SDK1: variants seen among roughly 807,000 people sequenced by gnomAD.
The protein encoded by SDK1 is protein sidekick-1.
Under a neutral mutation model 245.5 loss-of-function variants are expected in SDK1, and 157 were observed. The observed-to-expected ratio is 0.64, with a 90% CI of 0.56 to 0.73. The LOEUF (loss-of-function observed/expected upper bound fraction) is 0.73, where lower values mean the gene tolerates loss of function less well. Ranked by LOEUF, SDK1 falls within the 30% of genes least tolerant of loss-of-function variation. SDK1 has a pLI of 0.00. For missense variants in SDK1, 3,583 were observed against 3,002.3 expected, an observed-to-expected ratio of 1.19 and a Z score of -4.52; for synonymous variants, 1,647 against 1,278.5, an observed-to-expected ratio of 1.29 and a Z score of -6.15.
chr7:3,490,286 A>G lies in SDK1; in HGVS notation c.299-128794A>G, dbSNP rs551929326. Among the ~76,000 whole-genome samples, 18 of 152,348 alleles carry G rather than the reference A, an allele frequency of 1.2e-4. No individual in the cohort carries two copies. In the South Asian group the frequency reaches 2.9e-3, roughly 25 times the overall value. On this transcript the variant is annotated intron_variant, in intron 1 of 44. Transcript: ENST00000404826. ...ATATTTTAAGTTAATAGTCCTTATC[A>G]CTGATACCAATTAGCCGAAGAGAAA... is the stretch of plus-strand genomic sequence containing the variant.
intron 4 of SDK1, among the ~76,000 whole-genome samples, chr7:3,685,212 G>GA (rs113385893): frequency 1.3e-5 from 2 of 148,456 alleles, no homozygotes; most frequent in Non-Finnish European, 1.5e-5. Context: ...TGAACATTAA[G>GA]TTAAAAAAAA....
At chr7:3,815,586 G>A (rs1191662611) in intron 4 of SDK1, among the ~76,000 whole-genome samples, 1 of 147,666 alleles carries the variant, frequency 6.8e-6, no homozygotes, top group Non-Finnish European at 1.5e-5. Flanking sequence ...TTTTTTGGTT[G>A]TGTCTCTGCC....
At chr7:3,980,060 C>G (rs1006564096) in intron 13 of SDK1, among the ~76,000 whole-genome samples, 1 of 152,166 alleles carries the variant, frequency 6.6e-6, no homozygotes, top group Non-Finnish European at 1.5e-5. Context: ...AGTTATCAAG[C>G]CCTGTCATCT....
rs1000151165 is a variant in SDK1 at position 3,481,168 on chromosome 7, G to C, written c.299-137912G>C. Reference sequence around the variant, plus strand: ...CTATTTTACTTAAAAAATTTTAAGAGGCAATTTAAAAAGTTGTTTTTTGGG... The same window carrying C: ...CTATTTTACTTAAAAAATTTTAAGACGCAATTTAAAAAGTTGTTTTTTGGG... On this transcript the variant is annotated intron_variant, in intron 1 of 44. Transcript: ENST00000404826. Among the ~76,000 whole-genome samples, 2 of 152,082 alleles carry C rather than the reference G, an allele frequency of 1.3e-5. 1 individual carries two copies. The highest frequency in any genetic ancestry group is 4.8e-5 in the African/African-American group (2 of 41,402).
intron 4 of SDK1, among the ~76,000 whole-genome samples, chr7:3,811,720 C>T (rs1443716349): frequency 6.6e-6 from 1 of 152,164 alleles, no homozygotes; most frequent in East Asian, 1.9e-4. Context: ...CGTGCAGAAG[C>T]CCCCGGCCAG....
At chr7:4,258,277 C>T (rs755272429) in intron 44 of SDK1, among the ~76,000 whole-genome samples, 1 of 152,188 alleles carries the variant, frequency 6.6e-6, no homozygotes, top group African/African-American at 2.4e-5. Flanking sequence ...CAGTCCCTTC[C>T]GAACCACCCC....
chr7:3,638,690 C>T (rs1001947109), intron 2 of SDK1, among the ~76,000 whole-genome samples: 5 of 148,556 alleles, frequency 3.4e-5, no homozygotes, highest in South Asian at 2.2e-4. Context: ...TGCTAAATGA[C>T]GAGTTAATGG....
intron 5 of SDK1, among the ~76,000 whole-genome samples, chr7:3,880,380 G>C (rs932138438): frequency 1.3e-5 from 2 of 152,120 alleles, no homozygotes; most frequent in African/African-American, 4.8e-5. Context: ...TTAGCGGTTG[G>C]GCAACACAGC....
chr7:4,150,908 G>T (rs1562890460), intron 30 of SDK1, among the ~76,000 whole-genome samples: 1 of 152,262 alleles, frequency 6.6e-6, no homozygotes, highest in African/African-American at 2.4e-5. Context: ...TCAGTACAGA[G>T]CTGTGAAGCT....
At chr7:3,923,342 G>T (rs1043688932) in intron 5 of SDK1, among the ~76,000 whole-genome samples, 4 of 152,004 alleles carry the variant, frequency 2.6e-5, no homozygotes, top group Non-Finnish European at 5.9e-5. Context: ...ATTAATGAAT[G>T]TGCAGGCTGT....
chr7:4,055,553 G>A (rs199659110), intron 19 of SDK1, among the ~76,000 whole-genome samples: 1 of 94,738 alleles, frequency 1.1e-5, no homozygotes, highest in Non-Finnish European at 2.0e-5. Context: ...TGTTGTTGTT[G>A]TTTTTGTTTT....
Position 3,581,014 on chromosome 7 carries a change from G to T in SDK1, c.299-38066G>T, listed in dbSNP as rs56045306. Reference sequence around the variant, plus strand: ...AAAAAACCAAAACAAAACCCTGGAAGACAATCTATGCATTACCATTCTGGA... The same window carrying T: ...AAAAAACCAAAACAAAACCCTGGAATACAATCTATGCATTACCATTCTGGA... On this transcript the variant is annotated intron_variant, in intron 1 of 44. Transcript: ENST00000404826. Among the ~76,000 whole-genome samples the T allele has an allele frequency of 1.1e-4, 13 of 114,712 alleles. 1 individual carries two copies. The East Asian group carries it at 3.3e-3, about 29-fold the overall frequency. The allele number at this position is 114,712 out of a possible 152,430, so 75.3% of individuals were successfully genotyped here.
chr7:3,948,037 A>G (rs1780648366), intron 5 of SDK1, among the ~76,000 whole-genome samples: 1 of 152,192 alleles, frequency 6.6e-6, no homozygotes, highest in Admixed American at 6.5e-5. Context: ...AAGGAAGAAA[A>G]TATACCAGGA....
intron 40 of SDK1, among the ~76,000 whole-genome samples, chr7:4,224,746 C>T (rs1044073033): frequency 2.6e-5 from 4 of 151,988 alleles, no homozygotes; most frequent in Non-Finnish European, 4.4e-5. Context: ...TTTGGGAGGC[C>T]GAGGTGGGCG....
chr7:3,952,128 C>A, intron 7 of SDK1: 1 of 569,712 alleles, frequency 1.8e-6, no homozygotes, highest in Non-Finnish European at 3.0e-6. Context: ...GTTCTCAATC[C>A]TTCCAAGAAA....
intron 22 of SDK1, among the ~76,000 whole-genome samples, chr7:4,102,985 A>G (rs1440836322): frequency 6.6e-6 from 1 of 150,588 alleles, no homozygotes; most frequent in Non-Finnish European, 1.5e-5. Context: ...AAGCCGTTCA[A>G]AATCCCGGCT....
chr7:4,144,737 C>T (rs563727081), intron 28 of SDK1, among the ~76,000 whole-genome samples: 4 of 152,260 alleles, frequency 2.6e-5, no homozygotes, highest in Admixed American at 2.6e-4. Flanking sequence ...GGCAGCTCCT[C>T]CCCACAGAGG....
intron 8 of SDK1, among the ~76,000 whole-genome samples, chr7:3,960,589 C>T (rs964707262): frequency 2.6e-5 from 4 of 152,226 alleles, no homozygotes; most frequent in Admixed American, 6.5e-5. Context: ...CAGACCCCCT[C>T]CCGACCCACC....
chr7:3,626,033 T>A (rs530973920), intron 2 of SDK1, among the ~76,000 whole-genome samples: 4 of 147,706 alleles, frequency 2.7e-5, no homozygotes, highest in Non-Finnish European at 5.9e-5. Context: ...AGCCTGGAAC[T>A]CCTAGACTGA....
Sources: gnomAD v4.1 joint callset for allele counts (sites outside exome capture counted in the v4.1 genomes callset) on GRCh38, gnomAD v4.1.1 for gene constraint, MANE v1.5 for transcripts, NCBI Gene and HGNC (gene_info 2026-07-23, HGNC 2026-07-21) for gene names.